CDH18: variants seen among roughly 807,000 people sequenced by gnomAD.
CDH18 encodes cadherin-18.
CDH18 carries 31 observed loss-of-function variants against 67.9 expected under a neutral mutation model. The observed-to-expected ratio is 0.46, with a 90% CI of 0.34 to 0.62. The LOEUF (loss-of-function observed/expected upper bound fraction) is 0.62, where lower values mean the gene tolerates loss of function less well. CDH18 is among the 20% of genes least tolerant of loss of function. The pLI, the probability that CDH18 is intolerant of heterozygous loss-of-function variation, is 0.01. For missense variants in CDH18, 890 were observed against 975.5 expected (o/e 0.91, Z 1.17); for synonymous variants, 362 against 347.2 (o/e 1.04, Z -0.48).
intron 1 of CDH18, among the ~76,000 whole-genome samples, chr5:20,428,318 G>A (rs1748471929): frequency 6.9e-6 from 1 of 144,604 alleles, no homozygotes; most frequent in South Asian, 2.1e-4. Flanking sequence ...GTGTATATGT[G>A]CCACGTTTTC....
At chr5:20,186,111 G>C (rs35572399) in intron 2 of CDH18, among the ~76,000 whole-genome samples, 99,529 of 151,706 alleles carry the variant, frequency 0.66, 32,729 homozygotes, top group Middle Eastern at 0.75. Context: ...AATAAAAATT[G>C]AATAAAATTA....
chr5:19,993,380 A>T (rs1800087897), intron 2 of CDH18, among the ~76,000 whole-genome samples: 1 of 152,136 alleles, frequency 6.6e-6, no homozygotes, highest in African/African-American at 2.4e-5. Context: ...ATGTGGTGCT[A>T]TTACTATCTC....
At chr5:20,564,915 C>T (rs987727955) in intron 1 of CDH18, among the ~76,000 whole-genome samples, 8 of 152,098 alleles carry the variant, frequency 5.3e-5, no homozygotes, top group Non-Finnish European at 1.0e-4. Flanking sequence ...TTTAAATGTA[C>T]GGCAAAACTT....
chr5:20,103,451 C>T (rs372999185), intron 2 of CDH18, among the ~76,000 whole-genome samples: 32 of 151,786 alleles, frequency 2.1e-4, no homozygotes, highest in Middle Eastern at 3.4e-3. Flanking sequence ...AATATACTGG[C>T]GCAGTGACTC....
chr5:20,018,799 C>CTT (rs34748553), intron 2 of CDH18, among the ~76,000 whole-genome samples: 108 of 144,648 alleles, frequency 7.5e-4, no homozygotes, highest in South Asian at 5.6e-3. Context: ...ATAAGGCATT[C>CTT]TTTTTTTTTT....
intron 8 of CDH18, among the ~76,000 whole-genome samples, chr5:19,569,146 G>T (rs1373102498): frequency 6.6e-6 from 1 of 152,134 alleles, no homozygotes; most frequent in Non-Finnish European, 1.5e-5. Context: ...TGGCATTGCT[G>T]CCAGGATTAA....
At chr5:20,220,741 T>C (rs981364485) in intron 2 of CDH18, among the ~76,000 whole-genome samples, 3 of 151,920 alleles carry the variant, frequency 2.0e-5, no homozygotes, top group African/African-American at 7.3e-5. Context: ...AAGGGATTAA[T>C]AACCAGAATA....
chr5:20,165,228 G>T (rs772062119), intron 2 of CDH18, among the ~76,000 whole-genome samples: 3 of 151,920 alleles, frequency 2.0e-5, no homozygotes, highest in Non-Finnish European at 4.4e-5. Flanking sequence ...AATTTAGAAT[G>T]CATGTCTTCT....
At chr5:20,566,070 A>G (rs796993972) in intron 1 of CDH18, among the ~76,000 whole-genome samples, 13 of 152,202 alleles carry the variant, frequency 8.5e-5, no homozygotes, top group African/African-American at 2.6e-4. Flanking sequence ...CAGATTTTAT[A>G]TATATTCTAG....
intron 1 of CDH18, among the ~76,000 whole-genome samples, chr5:20,389,999 A>G (rs1455763813): frequency 1.3e-5 from 2 of 152,218 alleles, no homozygotes; most frequent in East Asian, 1.9e-4. Flanking sequence ...AAGATGGATT[A>G]AAGACTTACA....
At chr5:19,594,263 T>C (rs1465476013) in intron 6 of CDH18, among the ~76,000 whole-genome samples, 1 of 152,134 alleles carries the variant, frequency 6.6e-6, no homozygotes, top group Non-Finnish European at 1.5e-5. Flanking sequence ...AGGATTCTTC[T>C]GCCTCAACCT....
intron 5 of CDH18, among the ~76,000 whole-genome samples, chr5:19,684,610 A>AT (rs1362164454): frequency 6.6e-6 from 1 of 151,756 alleles, no homozygotes; most frequent in African/African-American, 2.4e-5. Context: ...AGTCTTCTAC[A>AT]TTTTTTAGAT....
At chr5:20,207,088 A>G (rs193190247) in intron 2 of CDH18, among the ~76,000 whole-genome samples, 1 of 147,092 alleles carries the variant, frequency 6.8e-6, no homozygotes, top group East Asian at 1.9e-4. Context: ...GCTAATATAG[A>G]AAAAAAAACA....
chr5:19,822,249 T>C (rs1386912995), intron 3 of CDH18, among the ~76,000 whole-genome samples: 1 of 152,024 alleles, frequency 6.6e-6, no homozygotes, highest in Non-Finnish European at 1.5e-5. Context: ...ATGACACCCA[T>C]AGGATCAAAG....
intron 3 of CDH18, among the ~76,000 whole-genome samples, chr5:19,779,504 C>G (rs1428108589): frequency 6.6e-6 from 1 of 152,140 alleles, no homozygotes; most frequent in Non-Finnish European, 1.5e-5. Flanking sequence ...GGCAGATCTG[C>G]TATCCTCAAT....
At chr5:20,196,970 G>A (rs934043188) in intron 2 of CDH18, among the ~76,000 whole-genome samples, 1 of 151,926 alleles carries the variant, frequency 6.6e-6, no homozygotes, top group African/African-American at 2.4e-5. Flanking sequence ...AGCATGGAGT[G>A]ACATTGATAA....
At chr5:20,347,606 G>A (rs1042804156) in intron 1 of CDH18, among the ~76,000 whole-genome samples, 1 of 152,164 alleles carries the variant, frequency 6.6e-6, no homozygotes, top group African/African-American at 2.4e-5. Context: ...CTGCTCACAG[G>A]GACTGTCCCA....
chr5:19,913,252 C>T (rs1164312656), intron 2 of CDH18, among the ~76,000 whole-genome samples: 1 of 151,928 alleles, frequency 6.6e-6, no homozygotes, highest in Non-Finnish European at 1.5e-5. Flanking sequence ...AAATATAATG[C>T]TCTTCATACT....
At chr5:20,191,772 G>T (rs1738560311) in intron 2 of CDH18, among the ~76,000 whole-genome samples, 1 of 152,038 alleles carries the variant, frequency 6.6e-6, no homozygotes, top group Admixed American at 6.6e-5. Context: ...TGGACATTTG[G>T]GTTGGTTCCA....
Sources: allele counts gnomAD v4.1 joint callset (sites outside exome capture counted in the v4.1 genomes callset), GRCh38; gene constraint gnomAD v4.1.1; transcripts MANE v1.5; gene names NCBI Gene and HGNC (gene_info 2026-07-23, HGNC 2026-07-21).